The following MTF1 variants were observed in gnomAD, a reference collection of about 807,000 sequenced individuals.
MTF1 encodes MRE-binding transcription factor.
A neutral mutation model predicts 70.4 loss-of-function variants in MTF1; 22 were observed. The ratio of observed to expected loss-of-function variants is 0.31; its 90% CI spans 0.22 to 0.45. MTF1 has a LOEUF of 0.45. Among genes scored for constraint, MTF1 ranks in the 20% least tolerant of loss-of-function variants. The probability of loss-of-function intolerance (pLI) is 1.00; values close to 1 mark genes in which losing one functional copy is unlikely to be tolerated. For missense variants in MTF1, 649 were observed against 922.0 expected, an observed-to-expected ratio of 0.70 and a Z score of 3.83; for synonymous variants, 333 against 352.8, an observed-to-expected ratio of 0.94 and a Z score of 0.63.
intron 9 of MTF1, among the ~76,000 whole-genome samples, chr1:37,817,902 C>A (rs1640843452): frequency 6.6e-6 from 1 of 152,152 alleles, no homozygotes; most frequent in Non-Finnish European, 1.5e-5. Context: ...AGAGATTAAG[C>A]TGCATGCCAA....
rs746804080 is a variant in MTF1 at position 37,815,300 on chromosome 1, G to A, written c.2098C>T (p.Gln700Ter). Residue 700 changes from glutamine to a stop codon, truncating the protein, a stop_gained, in exon 11 of 11, where the codon CAA becomes TAA. Coordinates refer to ENST00000373036, the MANE Select transcript of MTF1 (RefSeq NM_005955.3). LOFTEE classifies it high-confidence loss of function. This position sits in a 1 kb window ranked among gnomAD's most constrained non-coding sequence, Gnocchi z 4.5. ...TGAGGGTCTGAAGGAGTCTCTGCTT[G>A]TCGGCTTTGCTCACAGGAGGAGGGC... The part of the protein sequence containing the change: ...TLPSSCEQSR[Q>*]AETPSDPQTE... 2 of 1,614,104 alleles carry A rather than the reference G, an allele frequency of 1.2e-6. No individual in the cohort carries two copies. Among genetic ancestry groups the A allele is most frequent in the East Asian group, 4.5e-5 (2 of 44,870 alleles).
At position 37,840,340 on chromosome 1, in the gene MTF1, G is replaced by A. The variant is rs1641237211; in HGVS notation, c.409-182C>T. 1.6e-6 allele frequency: 1 copy of A among 613,096 alleles called. No individual in the cohort carries two copies. Among genetic ancestry groups the A allele is most frequent in the African/African-American group, 1.8e-5 (1 of 54,180 alleles). The allele number at this position is 613,096 out of a possible 1,614,324, so 38.0% of individuals were successfully genotyped here. The stretch of plus-strand genomic sequence containing the variant: ...CTTATTGTTGATCAAATCATACCTG[G>A]ACAACACATAATGATTTATGGGGAA... On this transcript the variant is annotated intron_variant, in intron 2 of 10. Coordinates refer to ENST00000373036, the MANE Select transcript of MTF1 (RefSeq NM_005955.3). The surrounding 1 kb of genome is among the most constrained non-coding windows in gnomAD (Gnocchi z 4.5).
chr1:37,828,269 G>T (rs529055908), intron 7 of MTF1: 9 of 374,922 alleles, frequency 2.4e-5, no homozygotes, highest in Admixed American at 2.2e-4. Context: ...GGTATGTGAG[G>T]GGGGGGCCTC....
In MTF1 at chr1:37,813,725, A is replaced by C. The variant is rs1275809647; in HGVS notation, c.*1411T>G. On this transcript the variant is annotated 3_prime_UTR_variant, in exon 11 of 11. Transcript: ENST00000373036. ...GCCTCTGAGCTCGGTGAGTTTGGTC[A>C]GCACTCATGACTATGTTAATATAGC... 1 of 152,338 alleles carries C rather than the reference A, an allele frequency of 6.6e-6. No homozygotes were observed. Among genetic ancestry groups the C allele is most frequent in the African/African-American group, 2.4e-5 (1 of 41,484 alleles). The allele number at this position is 152,338 out of a possible 1,614,324, so 9.4% of individuals were successfully genotyped here.
chr1:37,815,162 C>T lies in MTF1; in HGVS notation c.2236G>A (p.Gly746Ser). The change falls in exon 11 of 11, where the codon GGC becomes AGC. Residue 746 changes from glycine to serine, a missense_variant. Physicochemically the swap from Gly to Ser is moderately conservative, Grantham distance 56 (BLOSUM62 0). This residue lies in a region of MTF1 where 138 missense variants were observed against 134.4 expected (regional missense o/e 1.03). Transcript: ENST00000373036. This position sits in a 1 kb window ranked among gnomAD's most constrained non-coding sequence, Gnocchi z 4.5. Reference sequence around the variant, plus strand: ...CACTTGGAGAAGCTGCTGGTGAGGCCCATCTCCTCCTCCCCCTGCAGTAGT... The same window carrying T: ...CACTTGGAGAAGCTGCTGGTGAGGCTCATCTCCTCCTCCCCCTGCAGTAGT... ...EALLQGEEEM[G>S]LTSSFSK The T allele has an allele frequency of 6.2e-7, 1 of 1,614,128 alleles. No homozygotes were observed. The highest frequency in any genetic ancestry group is 8.5e-7 in the Non-Finnish European group (1 of 1,180,032).
Position 37,822,604 on chromosome 1 carries a change from G to A in MTF1, c.1284C>T (p.Ser428=), listed in dbSNP as rs150834514. ...CAGGTAGTAGAGGCTGGGGTGGCTC[G>A]GAGAGGCCAGGTTGCAGTACAAGTG... ...SLPLVLQPGL[S]EPPQPLLPAS... is the part of the protein sequence containing the mutation. The change falls in exon 9 of 11, where the codon TCC becomes TCT. Residue 428 remains serine (S), a synonymous_variant. Transcript: ENST00000373036. 49 of 1,613,834 alleles carry A rather than the reference G, an allele frequency of 3.0e-5. No homozygotes were observed. The highest frequency in any genetic ancestry group is 2.7e-4 in the African/African-American group (20 of 74,892).
At position 37,810,171 on chromosome 1, in the gene MTF1, G is replaced by A. The variant is rs541540446; in HGVS notation, c.*4965C>T. On this transcript the variant is annotated 3_prime_UTR_variant, in exon 11 of 11. Coordinates refer to ENST00000373036, the MANE Select transcript of MTF1 (RefSeq NM_005955.3). Reference sequence around the variant, plus strand: ...TGAGAACACAGCAGGAAAAGGGCAAGAGAAAGCCTCTGACTTGGCACACTA... The same window carrying A: ...TGAGAACACAGCAGGAAAAGGGCAAAAGAAAGCCTCTGACTTGGCACACTA... 6.6e-6 allele frequency: 1 copy of A among 152,546 alleles called. No individual in the cohort carries two copies. The highest frequency in any genetic ancestry group is 2.4e-5 in the African/African-American group (1 of 41,568). 9.4% of individuals were successfully genotyped at this position (152,546 alleles called of 1,614,324 possible).
chr1:37,820,504 T>TA (rs1197901972), intron 9 of MTF1, among the ~76,000 whole-genome samples: 2 of 152,238 alleles, frequency 1.3e-5, no homozygotes, highest in African/African-American at 4.8e-5. Flanking sequence ...TTGGGAAAAT[T>TA]AGACCTACCT....
rs185471435 is a variant in MTF1 at position 37,843,930 on chromosome 1, C to T, written c.409-3772G>A. On this transcript the variant is annotated intron_variant, in intron 2 of 10. Transcript: ENST00000373036. ...AGTCTTTAGGTTCCTTAGTCAAGTG[C>T]TCTCACCTGTTCATTGTGTTCTCTT... 2.3e-5 allele frequency among the ~76,000 whole-genome samples: 3 copies of T among 131,120 alleles called. No homozygotes were observed. The East Asian group carries it at 7.4e-4, about 32-fold the overall frequency. 86.0% of individuals were successfully genotyped at this position (131,120 alleles called of 152,430 possible).
intron 8 of MTF1, among the ~76,000 whole-genome samples, chr1:37,823,320 G>C (rs1640947386): frequency 6.6e-6 from 1 of 152,080 alleles, no homozygotes; most frequent in Non-Finnish European, 1.5e-5. Context: ...GCACGTGCCT[G>C]TGGTCCCAGC....
intron 4 of MTF1, among the ~76,000 whole-genome samples, chr1:37,836,389 A>C (rs1023035713): frequency 6.6e-6 from 1 of 152,206 alleles, no homozygotes; most frequent in African/African-American, 2.4e-5. Flanking sequence ...GAATATCAAG[A>C]GTAAGCAAAG....
intron 4 of MTF1, among the ~76,000 whole-genome samples, chr1:37,838,033 T>C (rs1278282100): frequency 6.6e-6 from 1 of 152,218 alleles, no homozygotes; most frequent in East Asian, 1.9e-4. Context: ...CTATTAGATA[T>C]ACATATGTTG....
intron 6 of MTF1, among the ~76,000 whole-genome samples, chr1:37,832,659 A>T (rs1641106771): frequency 6.6e-6 from 1 of 152,120 alleles, no homozygotes; most frequent in Admixed American, 6.5e-5. Flanking sequence ...GTTAATTTTT[A>T]AAAATCCTGA....
At chr1:37,853,688 T>C (rs1641450322) in intron 2 of MTF1, among the ~76,000 whole-genome samples, 1 of 152,204 alleles carries the variant, frequency 6.6e-6, no homozygotes, top group African/African-American at 2.4e-5. Flanking sequence ...CTAAATTGTA[T>C]GTATTCTTTA....
chr1:37,836,494 G>A (rs1226529463), intron 4 of MTF1, among the ~76,000 whole-genome samples: 1 of 152,108 alleles, frequency 6.6e-6, no homozygotes, highest in East Asian at 1.9e-4. Context: ...CTTGTGTGTC[G>A]AGATCTACTT....
chr1:37,846,859 GC>G (rs1432107030), intron 2 of MTF1, among the ~76,000 whole-genome samples: 4 of 152,176 alleles, frequency 2.6e-5, no homozygotes, highest in African/African-American at 9.7e-5. Flanking sequence ...CACATTTACA[GC>G]CCCCTATTCC....
At chr1:37,844,534 C>T (rs1203480567) in intron 2 of MTF1, among the ~76,000 whole-genome samples, 2 of 152,274 alleles carry the variant, frequency 1.3e-5, no homozygotes, top group Middle Eastern at 3.4e-3. Context: ...TAAAAACCTC[C>T]TTTGTGCTGC....
intron 1 of MTF1, among the ~76,000 whole-genome samples, chr1:37,857,969 G>A (rs770288506): frequency 5.4e-5 from 8 of 149,210 alleles, no homozygotes; most frequent in Non-Finnish European, 1.2e-4. Flanking sequence ...TTGAGGCCAG[G>A]AGTTTGAGAT....
intron 7 of MTF1, among the ~76,000 whole-genome samples, chr1:37,825,451 G>T (rs1200232072): frequency 6.6e-6 from 1 of 151,906 alleles, no homozygotes; most frequent in Middle Eastern, 3.2e-3. Context: ...TGTCCAGGCT[G>T]GTCTGGAACT....
Sources: gnomAD v4.1 joint callset for allele counts (sites outside exome capture counted in the v4.1 genomes callset) on GRCh38, gnomAD v4.1.1 for gene constraint, gnomAD v4.1.1 regional missense constraint, Gnocchi (gnomAD v3.1) non-coding constraint, MANE v1.5 for transcripts, NCBI Gene and HGNC (gene_info 2026-07-23, HGNC 2026-07-21) for gene names.